UBXN8: variants seen among roughly 807,000 people sequenced by gnomAD.
The protein encoded by UBXN8 is UBX domain-containing protein 8.
A neutral mutation model predicts 32.1 loss-of-function variants in UBXN8; 27 were observed. The observed-to-expected ratio is 0.84, with a 90% CI of 0.62 to 1.16. UBXN8 has a LOEUF of 1.16. UBXN8 is among the 50% of genes most tolerant of loss of function. The pLI is 0.00. For synonymous variants in UBXN8, 109 were observed against 111.8 expected (o/e 0.98, Z 0.16); for missense variants, 306 against 311.4 (o/e 0.98, Z 0.13).
At chr8:30,756,986 T>C in intron 5 of UBXN8, 99 bp downstream of exon 5, 1 of 1,497,942 alleles carries the variant, frequency 6.7e-7, no homozygotes, top group Non-Finnish European at 9.0e-7. Context: ...AGGACTGGCC[T>C]TTCATCCAGA....
At position 30,756,790 on chromosome 8, in the gene UBXN8, CT is replaced by C. The variant is rs1293102379; in HGVS notation, c.435del (p.Phe145LeufsTer18). On this transcript the variant is annotated frameshift_variant, in exon 5 of 8. Transcript: ENST00000265616. LOFTEE classifies it high-confidence loss of function. ...LGGDEGTSQT[S>X]FETSNREAAK... ...GGTGATGAAGGTACAAGTCAGACAT[CT>C]TTTGAAACATCAAACAGAGAAGCAG... 1 of 1,613,918 alleles carries C rather than the reference CT, an allele frequency of 6.2e-7. No homozygotes were observed. The highest frequency in any genetic ancestry group is 1.1e-5 in the South Asian group (1 of 91,094).
At chr8:30,741,110 A>G (rs1805189461), upstream of UBXN8, among the ~76,000 whole-genome samples, 1 of 151,024 alleles carries the variant, frequency 6.6e-6, no homozygotes, top group African/African-American at 2.5e-5. Flanking sequence ...AACCACTCTA[A>G]CTAGACTATA....
chr8:30,753,263 T>G (rs1805562421), intron 3 of UBXN8, among the ~76,000 whole-genome samples, 158 bp downstream of exon 3: 1 of 152,148 alleles, frequency 6.6e-6, no homozygotes, highest in South Asian at 2.1e-4. Flanking sequence ...TTTATTTTAC[T>G]TATTTATTTT....
chr8:30,742,612 G>C (rs746286984), upstream of UBXN8, among the ~76,000 whole-genome samples: 11 of 152,128 alleles, frequency 7.2e-5, no homozygotes, highest in Admixed American at 1.3e-4. Flanking sequence ...AAAGTGCTGA[G>C]AATACAGGAG....
At chr8:30,747,505 T>A (rs1214446711) in intron 1 of UBXN8, among the ~76,000 whole-genome samples, 1 of 139,784 alleles carries the variant, frequency 7.2e-6, no homozygotes, top group Non-Finnish European at 1.5e-5. Context: ...GAGACGGGGT[T>A]TCACCATGTT....
rs1805977314 is a variant in UBXN8 at position 30,765,544 on chromosome 8, A to G, written c.646-683A>G. Among the ~76,000 whole-genome samples the G allele has an allele frequency of 2.0e-5, 3 of 151,714 alleles. No individual in the cohort carries two copies. In the South Asian group the frequency reaches 6.2e-4, roughly 32 times the overall value. ...GGGAAAAAAAATTTTATATATATAT[A>G]TATGTGTGTGTGTATATATATAGTT... On this transcript the variant is annotated intron_variant, in intron 7 of 7. Coordinates refer to ENST00000265616, the MANE Select transcript of UBXN8 (RefSeq NM_005671.4).
chr8:30,729,330 G>A (rs983912718), upstream of UBXN8, among the ~76,000 whole-genome samples: 4 of 152,342 alleles, frequency 2.6e-5, no homozygotes, highest in Admixed American at 1.3e-4. Context: ...CTTGGAGTCC[G>A]GACATTTGAA....
At chr8:30,740,311 A>G, upstream of UBXN8, among the ~76,000 whole-genome samples, 1 of 149,798 alleles carries the variant, frequency 6.7e-6, no homozygotes, top group Non-Finnish European at 1.5e-5. Context: ...ACGATGAAGT[A>G]TGTATATCAT....
intron 1 of UBXN8, among the ~76,000 whole-genome samples, chr8:30,750,007 G>A (rs1435563723): frequency 1.3e-5 from 2 of 152,108 alleles, no homozygotes; most frequent in Non-Finnish European, 2.9e-5. Flanking sequence ...GTAGCTGATC[G>A]CTCTAATTGT....
At chr8:30,765,094 A>T (rs1403871852) in intron 7 of UBXN8, among the ~76,000 whole-genome samples, 1 of 123,830 alleles carries the variant, frequency 8.1e-6, no homozygotes, top group Non-Finnish European at 1.8e-5. Flanking sequence ...ATTTTTTTAA[A>T]AATAGAACAG....
intron 5 of UBXN8, among the ~76,000 whole-genome samples, chr8:30,757,169 AAAAG>A: frequency 6.6e-6 from 1 of 152,078 alleles, no homozygotes; most frequent in Middle Eastern, 3.2e-3. Context: ...AAAAAAAAAA[AAAAG>A]AATAATTTTC....
chr8:30,766,176 A>G, intron 7 of UBXN8, 51 bp from the exon 8 acceptor site: 1 of 1,550,020 alleles, frequency 6.5e-7, no homozygotes, highest in Non-Finnish European at 8.8e-7. Flanking sequence ...CTAAAGGGAC[A>G]TGGTGTGTAA....
At chr8:30,735,748 AGAATCAATTGATCCTGG>A (rs1805056381) in intron 1 of UBXN8, among the ~76,000 whole-genome samples, 1 of 152,218 alleles carries the variant, frequency 6.6e-6, no homozygotes, top group Non-Finnish European at 1.5e-5. Context: ...CTGAGGCAGG[AGAATCAATTGATCCTGG>A]GAGGCAGAAG....
At position 30,763,276 on chromosome 8, in the gene UBXN8, GT is replaced by G. The variant is rs771633051; in HGVS notation, c.576del (p.Thr193LeufsTer12). 5 of 1,613,722 alleles carry G rather than the reference GT, an allele frequency of 3.1e-6. No individual in the cohort carries two copies. In the African/African-American group the frequency reaches 6.7e-5, roughly 22 times the overall value. ...EEPSQTAEEV[V>X]TVALRCPSGN... is the part of the protein sequence containing the mutation. ...TATGTGAATATTTCTTCCTTAGGTA[GT>G]TACTGTTGCTCTCCGATGTCCCAGT... On this transcript the variant is annotated frameshift_variant, in exon 7 of 8. Coordinates refer to ENST00000265616, the MANE Select transcript of UBXN8 (RefSeq NM_005671.4). LOFTEE classifies it high-confidence loss of function.
intron 1 of UBXN8, among the ~76,000 whole-genome samples, chr8:30,734,615 A>C (rs568634247): frequency 1.3e-5 from 2 of 151,586 alleles, no homozygotes; most frequent in African/African-American, 4.9e-5. Flanking sequence ...ATGAGACACT[A>C]TCTCTTAAAA....
chr8:30,734,613 CT>C (rs1427101057), intron 1 of UBXN8, among the ~76,000 whole-genome samples: 1 of 150,940 alleles, frequency 6.6e-6, no homozygotes, highest in Non-Finnish European at 1.5e-5. Context: ...GAATGAGACA[CT>C]ATCTCTTAAA....
intron 1 of UBXN8, among the ~76,000 whole-genome samples, chr8:30,736,576 G>A (rs756212665): frequency 3.3e-5 from 5 of 152,074 alleles, no homozygotes; most frequent in Admixed American, 6.6e-5. Flanking sequence ...GGGTTCAAGC[G>A]ATTCTCCTGC....
chr8:30,753,537 A>G (rs1015380341), intron 3 of UBXN8, among the ~76,000 whole-genome samples: 4 of 152,120 alleles, frequency 2.6e-5, no homozygotes, highest in Admixed American at 6.6e-5. Context: ...GATTACAGGC[A>G]TGAGCCACCA....
chr8:30,746,922 C>T lies in UBXN8; in HGVS notation c.88+2645C>T, dbSNP rs1364809067. ...AAAAAATCCCAGCACTCTGGGAGGC[C>T]GAGGCAGGCGAGTCATGAGGTCAAG... is the stretch of plus-strand genomic sequence containing the variant. On this transcript the variant is annotated intron_variant, in intron 1 of 7. Transcript: ENST00000265616. Among the ~76,000 whole-genome samples the T allele has an allele frequency of 2.2e-5, 3 of 138,198 alleles. 1 individual carries two copies. Among genetic ancestry groups the T allele is most frequent in the Non-Finnish European group, 4.6e-5 (3 of 64,962 alleles). The allele number at this position is 138,198 out of a possible 152,430, so 90.7% of individuals were successfully genotyped here. A position where few individuals can be genotyped will look rare whatever the true frequency, so the allele number is the denominator to read the frequency against.
Sources: gnomAD v4.1 joint callset for allele counts (sites outside exome capture counted in the v4.1 genomes callset) on GRCh38, gnomAD v4.1.1 for gene constraint, MANE v1.5 for transcripts, NCBI Gene and HGNC (gene_info 2026-07-23, HGNC 2026-07-21) for gene names.